The following AP2A1 variants were observed in gnomAD, a reference collection of about 807,000 sequenced individuals.
AP2A1 encodes adaptor related protein complex 2 subunit alpha 1, also known as AP-2 complex subunit alpha-1.
Under a neutral mutation model 107.3 loss-of-function variants are expected in AP2A1, and 21 were observed. The observed-to-expected ratio is 0.20, with a 90% CI of 0.14 to 0.28. The LOEUF (loss-of-function observed/expected upper bound fraction) is 0.28, where lower values mean the gene tolerates loss of function less well. Ranked by LOEUF, AP2A1 falls within the 10% of genes least tolerant of loss-of-function variation. The pLI is 1.00. For synonymous variants in AP2A1, 602 were observed against 564.8 expected, an observed-to-expected ratio of 1.07 and a Z score of -0.93; for missense variants, 873 against 1,307.7, an observed-to-expected ratio of 0.67 and a Z score of 5.13.
In AP2A1 at chr19:49,788,401, A is replaced by G. The variant is rs1177434086; in HGVS notation, c.474-3534A>G. ...ATCCTTATCTGTAAATGGAGATGAT[A>G]GAATCCGCGTCCTTAGAGGGCTGTG... On this transcript the variant is annotated intron_variant, in intron 4 of 22. Coordinates refer to ENST00000354293, the MANE Select transcript of AP2A1 (RefSeq NM_130787.3). The surrounding 1 kb of genome is among the most constrained non-coding windows in gnomAD (Gnocchi z 4.5). Among the ~76,000 whole-genome samples the G allele has an allele frequency of 6.6e-6, 1 of 152,184 alleles. No individual in the cohort carries two copies. Among genetic ancestry groups the G allele is most frequent in the Non-Finnish European group, 1.5e-5 (1 of 68,040 alleles).
Position 49,806,093 on chromosome 19 carries a change from T to A in AP2A1, c.2656-26T>A, listed in dbSNP as rs372139748. On this transcript the variant is annotated intron_variant, in intron 21 of 22. Coordinates refer to ENST00000354293, the MANE Select transcript of AP2A1 (RefSeq NM_130787.3). Reference sequence around the variant, plus strand: ...GTGGTAACTAACAGCTCTGGCACACTCTGACGGCGCCCCCCCTCCTCCCAG... The same window carrying A: ...GTGGTAACTAACAGCTCTGGCACACACTGACGGCGCCCCCCCTCCTCCCAG... 223 of 1,574,786 alleles carry A rather than the reference T, an allele frequency of 1.4e-4. No homozygotes were observed. In the African/African-American group the frequency reaches 2.9e-3, roughly 20 times the overall value.
chr19:49,799,035 G>A (rs2073244839), intron 8 of AP2A1, 83 bp downstream of exon 8: 1 of 1,500,202 alleles, frequency 6.7e-7, no homozygotes, highest in Non-Finnish European at 9.0e-7. Context: ...GTCCTAGGCA[G>A]AGGGCAGGGA....
In AP2A1 at chr19:49,777,655, C is replaced by T. The variant is rs965863493; in HGVS notation, c.68-4102C>T. Among the ~76,000 whole-genome samples, 11 of 148,280 alleles carry T rather than the reference C, an allele frequency of 7.4e-5. No individual in the cohort carries two copies. In the Admixed American group the frequency reaches 7.5e-4, roughly 10 times the overall value. On this transcript the variant is annotated intron_variant, in intron 1 of 22. Transcript: ENST00000354293. ...ATCACAAAAAAAAAAAAAAAGATTT[C>T]CTGGCAGTAAGCGGTGGCCCATGCC...
chr19:49,791,796 T>C, intron 4 of AP2A1, 139 bp from the exon 5 acceptor site: 2 of 1,129,460 alleles, frequency 1.8e-6, no homozygotes, highest in Non-Finnish European at 2.5e-6. Flanking sequence ...AGCGCCAGAC[T>C]GGATCCTGCG....
rs12610035 is a variant in AP2A1 at position 49,788,424 on chromosome 19, G to A, written c.474-3511G>A. 1.8e-4 allele frequency among the ~76,000 whole-genome samples: 27 copies of A among 152,358 alleles called. No homozygotes were observed. In the East Asian group the frequency reaches 3.7e-3, roughly 21 times the overall value. ...ATAGAATCCGCGTCCTTAGAGGGCTGTGGTGGGGAGCGAGCGAGCTGTGCG... is the reference window on the plus strand; with the variant it reads ...ATAGAATCCGCGTCCTTAGAGGGCTATGGTGGGGAGCGAGCGAGCTGTGCG... On this transcript the variant is annotated intron_variant, in intron 4 of 22. Coordinates refer to ENST00000354293, the MANE Select transcript of AP2A1 (RefSeq NM_130787.3). The surrounding 1 kb of genome is among the most constrained non-coding windows in gnomAD (Gnocchi z 4.5).
intron 1 of AP2A1, among the ~76,000 whole-genome samples, chr19:49,775,561 T>A (rs890826908): frequency 7.6e-4 from 115 of 152,270 alleles, no homozygotes; most frequent in African/African-American, 2.6e-3. Flanking sequence ...GTGATCCACC[T>A]GCCTCGGCCT....
chr19:49,802,572 T>G, intron 15 of AP2A1: 1 of 1,602,244 alleles, frequency 6.2e-7, no homozygotes, highest in Non-Finnish European at 8.5e-7. Flanking sequence ...CCCATGGCTT[T>G]GCTGGCTGAC....
intron 18 of AP2A1, 55 bp downstream of exon 18, chr19:49,803,431 C>T (rs2123760329): frequency 1.4e-6 from 2 of 1,470,166 alleles, no homozygotes; most frequent in Non-Finnish European, 9.5e-7. Context: ...CCTTCCTCAC[C>T]GTGGGGAAGC....
rs2073204901 is a variant in AP2A1, at chr19:49,795,724, G to A, written c.800G>A (p.Cys267Tyr). The change falls in exon 7 of 23, where the codon TGC becomes TAC. Residue 267 changes from cysteine to tyrosine, a missense_variant. Cys to Tyr is a radical substitution (Grantham distance 194). Transcript: ENST00000354293. Reference sequence around the variant, plus strand: ...GTGAAGCTCCTGCGGCTGCTGCAGTGCTACCCGCCTCCAGGTAATGAACGC... The same window carrying A: ...GTGAAGCTCCTGCGGCTGCTGCAGTACTACCCGCCTCCAGGTAATGAACGC... The part of the protein sequence containing the change: ...LSVKLLRLLQ[C>Y]YPPPEDAAVK... 1 of 1,555,470 alleles carries A rather than the reference G, an allele frequency of 6.4e-7. No individual in the cohort carries two copies. The highest frequency in any genetic ancestry group is 8.7e-7 in the Non-Finnish European group (1 of 1,150,432).
At chr19:49,786,267 GT>G (rs1204966681) in intron 4 of AP2A1, among the ~76,000 whole-genome samples, 1 of 152,116 alleles carries the variant, frequency 6.6e-6, no homozygotes, top group Non-Finnish European at 1.5e-5. Context: ...GTGTTTTTCT[GT>G]TTTCTAGTAT....
At chr19:49,799,596 A>G in intron 9 of AP2A1, 33 bp from the exon 10 acceptor site, 1 of 1,603,330 alleles carries the variant, frequency 6.2e-7, no homozygotes, top group Non-Finnish European at 8.5e-7. Context: ...CAGGGAGTCT[A>G]AAACACACCT....
At chr19:49,769,199 G>C (rs191923992) in intron 1 of AP2A1, among the ~76,000 whole-genome samples, 1 of 151,990 alleles carries the variant, frequency 6.6e-6, no homozygotes, top group Non-Finnish European at 1.5e-5. Flanking sequence ...GCAATGAGCC[G>C]AGATTCACAC....
intron 1 of AP2A1, among the ~76,000 whole-genome samples, chr19:49,774,305 G>C (rs1481089057): frequency 1.3e-5 from 2 of 152,128 alleles, no homozygotes; most frequent in Non-Finnish European, 2.9e-5. Context: ...CATGGCACTG[G>C]TGTTCCGATC....
Position 49,767,059 on chromosome 19 carries a change from G to A in AP2A1, c.-75G>A. 4.7e-6 allele frequency: 7 copies of A among 1,488,424 alleles called. No homozygotes were observed. The highest frequency in any genetic ancestry group is 6.3e-6 in the Non-Finnish European group (7 of 1,115,434). The allele number at this position is 1,488,424 out of a possible 1,614,324, so 92.2% of individuals were successfully genotyped here. A position where few individuals can be genotyped will look rare whatever the true frequency, so the allele number is the denominator to read the frequency against. ...CTTGGCGCTGCCTGGGGTCCTTTCCGCCCGGTCCCCGCTTGCCAGCCCCCG... is the reference window on the plus strand; with the variant it reads ...CTTGGCGCTGCCTGGGGTCCTTTCCACCCGGTCCCCGCTTGCCAGCCCCCG... On this transcript the variant is annotated 5_prime_UTR_variant, in exon 1 of 23. Coordinates refer to ENST00000354293, the MANE Select transcript of AP2A1 (RefSeq NM_130787.3).
At position 49,795,689 on chromosome 19, in the gene AP2A1, C is replaced by G; in HGVS notation, c.765C>G (p.Pro255=). The G allele has an allele frequency of 6.4e-7, 1 of 1,571,870 alleles. No individual in the cohort carries two copies. The highest frequency in any genetic ancestry group is 2.3e-5 in the East Asian group (1 of 42,620). ...QDYTYYFVPA[P]WLSVKLLRLL... is the part of the protein sequence containing the mutation. ...ACACCTACTACTTCGTCCCAGCACC[C>G]TGGCTCTCGGTGAAGCTCCTGCGGC... The change falls in exon 7 of 23, where the codon CCC becomes CCG. Residue 255 remains proline, a synonymous_variant. Coordinates refer to ENST00000354293, the MANE Select transcript of AP2A1 (RefSeq NM_130787.3).
At chr19:49,767,572 G>T (rs927525549) in intron 1 of AP2A1, among the ~76,000 whole-genome samples, 36 of 152,180 alleles carry the variant, frequency 2.4e-4, no homozygotes, top group African/African-American at 8.2e-4. Flanking sequence ...AGAAGTGTAT[G>T]GCGGGGGTGC....
At position 49,778,921 on chromosome 19, in the gene AP2A1, C is replaced by T. The variant is rs1233396934; in HGVS notation, c.68-2836C>T. Among the ~76,000 whole-genome samples, 7 of 150,702 alleles carry T rather than the reference C, an allele frequency of 4.6e-5. No individual in the cohort carries two copies. In the East Asian group the frequency reaches 1.4e-3, roughly 29 times the overall value. The stretch of plus-strand genomic sequence containing the variant: ...CAAAACCATATATATATAGGCCAGG[C>T]ATGGTGGCTCATACCTGTAATCCCA... On this transcript the variant is annotated intron_variant, in intron 1 of 22. Coordinates refer to ENST00000354293, the MANE Select transcript of AP2A1 (RefSeq NM_130787.3).
intron 1 of AP2A1, among the ~76,000 whole-genome samples, chr19:49,774,942 G>A (rs1056074838): frequency 6.0e-5 from 9 of 149,878 alleles, no homozygotes; most frequent in Non-Finnish European, 1.2e-4. Flanking sequence ...AAGCAAAACA[G>A]GCTGAGCATG....
intron 8 of AP2A1, among the ~76,000 whole-genome samples, 178 bp downstream of exon 8, chr19:49,799,130 A>C (rs1055232951): frequency 9.2e-5 from 14 of 152,170 alleles, no homozygotes; most frequent in African/African-American, 3.1e-4. Flanking sequence ...TCCTGGGGGC[A>C]GAATTGCTAG....
Sources: gnomAD v4.1 joint callset for allele counts (sites outside exome capture counted in the v4.1 genomes callset) on GRCh38, gnomAD v4.1.1 for gene constraint, Gnocchi (gnomAD v3.1) non-coding constraint, MANE v1.5 for transcripts, NCBI Gene and HGNC (gene_info 2026-07-23, HGNC 2026-07-21) for gene names.